RASGRF2: variants seen among roughly 807,000 people sequenced by gnomAD.
RASGRF2 encodes Ras protein specific guanine nucleotide releasing factor 2, also known as ras-specific guanine nucleotide-releasing factor 2.
Under a neutral mutation model 151.0 loss-of-function variants are expected in RASGRF2, and 76 were observed. The observed-to-expected ratio is 0.50, with a 90% CI of 0.42 to 0.61. The LOEUF (loss-of-function observed/expected upper bound fraction) is 0.61. Ranked by LOEUF, RASGRF2 falls within the 20% of genes least tolerant of loss-of-function variation. The probability of loss-of-function intolerance (pLI) is 0.00; values close to 1 mark genes in which losing one functional copy is unlikely to be tolerated. For synonymous variants in RASGRF2, 504 were observed against 566.5 expected (o/e 0.89, Z 1.57); for missense variants, 1,148 against 1,564.6 (o/e 0.73, Z 4.49).
intron 12 of RASGRF2, among the ~76,000 whole-genome samples, chr5:81,095,895 A>G (rs1752534623): frequency 6.6e-6 from 1 of 152,176 alleles, no homozygotes; most frequent in Non-Finnish European, 1.5e-5. Flanking sequence ...AATCATTTTT[A>G]TTTGTCAAAG....
chr5:81,176,086 G>A (rs563857173), intron 17 of RASGRF2, among the ~76,000 whole-genome samples: 2 of 152,240 alleles, frequency 1.3e-5, no homozygotes, highest in East Asian at 3.9e-4. Flanking sequence ...CTATGACATA[G>A]ACATCGAGGT....
In RASGRF2 at chr5:81,219,772, G is replaced by A. The variant is rs1384270439; in HGVS notation, c.3615G>A (p.Gln1205=). Reference sequence around the variant, plus strand: ...AGACTTCCTACAGAATAGATCATCAGCCAAAGGTAATATTATGTGGCTGTG... The same window carrying A: ...AGACTTCCTACAGAATAGATCATCAACCAAAGGTAATATTATGTGGCTGTG... ...FQQTSYRIDH[Q]PKVAQYLLDK... is the part of the protein sequence containing the mutation. The change falls in exon 26 of 27, where the codon CAG becomes CAA. Residue 1205 remains glutamine (Q), a synonymous_variant. Transcript: ENST00000265080. 1.2e-6 allele frequency: 2 copies of A among 1,600,682 alleles called. No individual in the cohort carries two copies. Among genetic ancestry groups the A allele is most frequent in the East Asian group, 4.5e-5 (2 of 44,766 alleles).
At position 81,160,486 on chromosome 5, in the gene RASGRF2, A is replaced by G. The variant is rs1754356271; in HGVS notation, c.2687-19689A>G. Among the ~76,000 whole-genome samples the G allele has an allele frequency of 2.0e-5, 3 of 151,982 alleles. No homozygotes were observed. In the South Asian group the frequency reaches 6.2e-4, roughly 32 times the overall value. On this transcript the variant is annotated intron_variant, in intron 17 of 26. Coordinates refer to ENST00000265080, the MANE Select transcript of RASGRF2 (RefSeq NM_006909.3). The stretch of plus-strand genomic sequence containing the variant: ...GGAGATCAAGACCATCCTGGCTAAT[A>G]CAGTGAAACCCCATCTCTACTAAAG...
At chr5:81,175,755 CAAA>C (rs33931356) in intron 17 of RASGRF2, among the ~76,000 whole-genome samples, 79 of 99,532 alleles carry the variant, frequency 7.9e-4, no homozygotes, top group Middle Eastern at 9.5e-3. Flanking sequence ...AACTCCGTCT[CAAA>C]AAAAAAAAAA....
chr5:80,968,528 A>C (rs1355986185), intron 1 of RASGRF2, among the ~76,000 whole-genome samples: 1 of 152,186 alleles, frequency 6.6e-6, no homozygotes, highest in Non-Finnish European at 1.5e-5. Flanking sequence ...AGTTTCTGTT[A>C]ATAATGTGTG....
At chr5:81,193,518 CTTTTTCTTTTTTTT>C (rs200699348) in intron 18 of RASGRF2, among the ~76,000 whole-genome samples, 1 of 151,942 alleles carries the variant, frequency 6.6e-6, no homozygotes, top group East Asian at 1.9e-4. Context: ...TTCTTTTTTT[CTTTTTCTTTTTTTT>C]TGAGATGGAG....
At chr5:81,036,738 G>C (rs580334) in intron 1 of RASGRF2, among the ~76,000 whole-genome samples, 1 of 151,694 alleles carries the variant, frequency 6.6e-6, no homozygotes, top group African/African-American at 2.4e-5. Context: ...GCTGATTTCT[G>C]TCTGGATCTT....
intron 1 of RASGRF2, among the ~76,000 whole-genome samples, chr5:81,019,022 A>G (rs1441027534): frequency 6.6e-6 from 1 of 150,860 alleles, no homozygotes; most frequent in Non-Finnish European, 1.5e-5. Flanking sequence ...CTGGTCTCAA[A>G]CTCCTGACCT....
intron 1 of RASGRF2, among the ~76,000 whole-genome samples, chr5:81,015,918 A>G (rs914506498): frequency 6.6e-6 from 1 of 152,214 alleles, no homozygotes. Context: ...TAATCAATGC[A>G]ATGGTGTTTC....
At position 81,070,519 on chromosome 5, in the gene RASGRF2, C is replaced by T. The variant is rs1561590896; in HGVS notation, c.571C>T (p.Arg191Ter). Residue 191 changes from arginine to a stop codon, truncating the protein, a stop_gained, in exon 4 of 27, where the codon CGA (arginine) becomes TGA (stop). Transcript: ENST00000265080. LOFTEE classifies it high-confidence loss of function. ...EIIALNKTKERMRPYQSNQED... is the reference protein window; with the variant it reads ...EIIALNKTKE ...TATTGCTCTTAATAAAACCAAAGAACGAATGCGACCTTACCAAAGCAACCA... is the reference window on the plus strand; with the variant it reads ...TATTGCTCTTAATAAAACCAAAGAATGAATGCGACCTTACCAAAGCAACCA... 1 of 1,609,968 alleles carries T rather than the reference C, an allele frequency of 6.2e-7. No individual in the cohort carries two copies. The highest frequency in any genetic ancestry group is 8.5e-7 in the Non-Finnish European group (1 of 1,176,322).
intron 1 of RASGRF2, among the ~76,000 whole-genome samples, chr5:80,977,737 G>A (rs867915359): frequency 1.4e-4 from 22 of 152,156 alleles, no homozygotes; most frequent in African/African-American, 4.3e-4. Context: ...GATTATAGGC[G>A]TAAGCCACTG....
intron 17 of RASGRF2, among the ~76,000 whole-genome samples, chr5:81,178,881 G>C (rs1317439225): frequency 6.6e-6 from 1 of 152,150 alleles, no homozygotes; most frequent in African/African-American, 2.4e-5. Flanking sequence ...TGGGACTACA[G>C]GCGCCCGCCA....
intron 1 of RASGRF2, among the ~76,000 whole-genome samples, chr5:81,035,351 C>G (rs181047352): frequency 1.3e-5 from 2 of 152,286 alleles, no homozygotes; most frequent in African/African-American, 4.8e-5. Context: ...TCTGTGCATA[C>G]TATCACAAGG....
intron 20 of RASGRF2, 102 bp downstream of exon 20, chr5:81,207,007 C>A: frequency 9.7e-7 from 1 of 1,025,772 alleles, no homozygotes; most frequent in Non-Finnish European, 1.5e-6. Flanking sequence ...TAGTATTAGG[C>A]CCTCTGTCCT....
At chr5:81,156,631 A>AT (rs1754265868) in intron 17 of RASGRF2, among the ~76,000 whole-genome samples, 1 of 152,358 alleles carries the variant, frequency 6.6e-6, no homozygotes, top group African/African-American at 2.4e-5. Flanking sequence ...ATTGCAAAAT[A>AT]TTTAATACCC....
At chr5:81,036,738 G>A (rs580334) in intron 1 of RASGRF2, among the ~76,000 whole-genome samples, 58,607 of 151,738 alleles carry the variant, frequency 0.39, 11,597 homozygotes, top group Middle Eastern at 0.62. Context: ...GCTGATTTCT[G>A]TCTGGATCTT....
At chr5:81,153,328 C>T (rs949005077) in intron 17 of RASGRF2, among the ~76,000 whole-genome samples, 1 of 152,100 alleles carries the variant, frequency 6.6e-6, no homozygotes. Context: ...TCAGGCAGGT[C>T]CAATATACTC....
intron 18 of RASGRF2, among the ~76,000 whole-genome samples, chr5:81,193,706 G>A (rs773736641): frequency 4.6e-5 from 7 of 152,054 alleles, no homozygotes; most frequent in Non-Finnish European, 7.4e-5. Context: ...TAATAGAGAT[G>A]GGGTTTCACC....
chr5:81,070,572 G>T lies in RASGRF2; in HGVS notation c.624G>T (p.Lys208Asn). Residue 208 changes from lysine (K) to asparagine (N), a missense_variant, in exon 4 of 27, where the codon AAG becomes AAT. Coordinates refer to ENST00000265080, the MANE Select transcript of RASGRF2 (RefSeq NM_006909.3). ...AAGACGAAGATCCAGACATCAAGAA[G>T]ATTAAAAAGGTAGGGCCTGGAGGTT... The part of the protein sequence containing the change: ...NQEDEDPDIK[K>N]IKKVQSFMRG... 1 of 1,605,176 alleles carries T rather than the reference G, an allele frequency of 6.2e-7. No individual in the cohort carries two copies. The highest frequency in any genetic ancestry group is 8.5e-7 in the Non-Finnish European group (1 of 1,171,956).
Sources: allele counts gnomAD v4.1 joint callset (sites outside exome capture counted in the v4.1 genomes callset), GRCh38; gene constraint gnomAD v4.1.1; transcripts MANE v1.5; gene names NCBI Gene and HGNC (gene_info 2026-07-23, HGNC 2026-07-21).